The following TRAK1 variants were observed in gnomAD, a reference collection of about 807,000 sequenced individuals.
TRAK1 encodes the protein trafficking kinesin-binding protein 1.
TRAK1 carries 33 observed loss-of-function variants against 92.1 expected under a neutral mutation model. That is an observed-to-expected ratio of 0.36 (90% CI 0.27 to 0.48). The LOEUF (loss-of-function observed/expected upper bound fraction) is 0.48. Ranked by LOEUF, TRAK1 falls within the 20% of genes least tolerant of loss-of-function variation. TRAK1 has a pLI of 0.99. For synonymous variants in TRAK1, 521 were observed against 517.3 expected (o/e 1.01, Z -0.10); for missense variants, 1,123 against 1,257.9 (o/e 0.89, Z 1.62).
At chr3:42,172,732 G>A (rs751422029) in intron 2 of TRAK1, among the ~76,000 whole-genome samples, 2 of 152,298 alleles carry the variant, frequency 1.3e-5, no homozygotes, top group South Asian at 2.1e-4. Flanking sequence ...AGCTTGGTGC[G>A]TGGTAATGGT....
chr3:42,046,420 G>GGTT lies in TRAK1; in HGVS notation c.-519+32305_-519+32307dup, dbSNP rs1195911910. ...CCCTTAGGAGGCCATAACCTGGGAA[G>GGTT]GTTGGGAATAGGGGCCACGTCTCTA... On this transcript the variant is annotated intron_variant, in intron 1 of 16. Coordinates refer to the TRAK1 transcript ENST00000487159. 4.6e-5 allele frequency among the ~76,000 whole-genome samples: 7 copies of GGTT among 152,036 alleles called. No homozygotes were observed. In the East Asian group the frequency reaches 1.2e-3, roughly 25 times the overall value.
intron 1 of TRAK1, among the ~76,000 whole-genome samples, chr3:42,057,956 C>T (rs2148921691): frequency 6.6e-6 from 1 of 152,342 alleles, no homozygotes; most frequent in Non-Finnish European, 1.5e-5. Flanking sequence ...CTGAACATGT[C>T]ATTCAGTGAG....
At chr3:42,163,437 C>T (rs1254745377) in intron 2 of TRAK1, among the ~76,000 whole-genome samples, 1 of 152,038 alleles carries the variant, frequency 6.6e-6, no homozygotes, top group Non-Finnish European at 1.5e-5. Flanking sequence ...GGCATGGTGG[C>T]GGGCGCCTGT....
chr3:42,100,911 AC>A, intron 1 of TRAK1, among the ~76,000 whole-genome samples: 1 of 151,160 alleles, frequency 6.6e-6, no homozygotes, highest in East Asian at 2.0e-4. Flanking sequence ...CAGGTGATCC[AC>A]CCGCCTCAGC....
chr3:42,173,296 TATAGAG>T (rs1453274262), intron 2 of TRAK1, among the ~76,000 whole-genome samples: 1 of 152,184 alleles, frequency 6.6e-6, no homozygotes, highest in Non-Finnish European at 1.5e-5. Flanking sequence ...AATACATTCT[TATAGAG>T]AGAGAAACTT....
rs754538591 is a variant in TRAK1 at position 42,222,998 on chromosome 3, C to T, written c.2123C>T (p.Pro708Leu). The T allele has an allele frequency of 1.7e-5, 27 of 1,614,154 alleles. No homozygotes were observed. The highest frequency in any genetic ancestry group is 2.0e-5 in the Non-Finnish European group (24 of 1,180,040). ...AGCACCAGCCACTTGAAATCCACGC[C>T]GGTGGCCACACCATGCACTCCACGG... ...CGSTSHLKST[P>L]VATPCTPRRL... Residue 708 changes from proline to leucine, a missense_variant, in exon 16 of 16, where the codon CCG becomes CTG. Physicochemically the swap from Pro to Leu is moderately conservative, Grantham distance 98 (BLOSUM62 -3). Coordinates refer to ENST00000327628, the MANE Select transcript of TRAK1 (RefSeq NM_001042646.3).
chr3:42,224,459 C>G lies in TRAK1; in HGVS notation c.*722C>G, dbSNP rs1710633817. On this transcript the variant is annotated 3_prime_UTR_variant, in exon 16 of 16. Transcript: ENST00000327628. ...TTTACACTCATGCTGCGTTGTTCAG[C>G]AGCCCCTCTGTGTTCTGTGTGATTT... The G allele has an allele frequency of 5.1e-6, 1 of 197,990 alleles. No homozygotes were observed. Among genetic ancestry groups the G allele is most frequent in the Non-Finnish European group, 1.0e-5 (1 of 99,104 alleles). 12.3% of individuals were successfully genotyped at this position (197,990 alleles called of 1,614,324 possible).
chr3:42,194,847 T>G lies in TRAK1; in HGVS notation c.1019T>G (p.Leu340Arg), dbSNP rs1254573109. 6.2e-7 allele frequency: 1 copy of G among 1,613,948 alleles called. No individual in the cohort carries two copies. ...AAGTACGCAGAGTGCATGGAGATGC[T>G]GCATGAGGCGCAGGAGGAGCTGAAG... ...EDKYAECMEM[L>R]HEAQEELKNL... Residue 340 changes from leucine (L) to arginine (R), a missense_variant, in exon 10 of 16, where the codon CTG becomes CGG. By Grantham distance (102) the Leu-to-Arg change is moderately radical (BLOSUM62 -2). Coordinates refer to ENST00000327628, the MANE Select transcript of TRAK1 (RefSeq NM_001042646.3).
chr3:42,160,567 T>TC, intron 2 of TRAK1: 1 of 1,292,008 alleles, frequency 7.7e-7, no homozygotes, highest in Non-Finnish European at 1.0e-6. Flanking sequence ...TGTTTTGTTT[T>TC]TGTTTTTTTT....
At chr3:42,074,206 C>G (rs1704053386) in intron 1 of TRAK1, among the ~76,000 whole-genome samples, 1 of 152,194 alleles carries the variant, frequency 6.6e-6, no homozygotes. Context: ...TGTGTTTCCT[C>G]TCTTGTAAAA....
intron 1 of TRAK1, among the ~76,000 whole-genome samples, chr3:42,106,458 T>G (rs1219901471): frequency 6.6e-6 from 1 of 152,172 alleles, no homozygotes; most frequent in Non-Finnish European, 1.5e-5. Flanking sequence ...AAGGGATCAA[T>G]TCAACAAGAA....
At chr3:42,207,988 T>C (rs1159951747) in intron 13 of TRAK1, among the ~76,000 whole-genome samples, 1 of 152,152 alleles carries the variant, frequency 6.6e-6, no homozygotes, top group African/African-American at 2.4e-5. Context: ...CCAGATGCCG[T>C]TCGTCCACAG....
At chr3:42,195,868 T>C (rs1156438929) in intron 10 of TRAK1, among the ~76,000 whole-genome samples, 1 of 152,182 alleles carries the variant, frequency 6.6e-6, no homozygotes, top group African/African-American at 2.4e-5. Flanking sequence ...GATCTAGCGC[T>C]AACCACACTT....
At chr3:42,016,177 T>C (rs1701516988) in intron 1 of TRAK1, among the ~76,000 whole-genome samples, 1 of 152,200 alleles carries the variant, frequency 6.6e-6, no homozygotes. Context: ...AAGTGGACTT[T>C]GTTCCTGTCA....
chr3:42,162,087 C>T (rs1021429251), intron 2 of TRAK1, among the ~76,000 whole-genome samples: 7 of 152,074 alleles, frequency 4.6e-5, no homozygotes, highest in African/African-American at 1.4e-4. Flanking sequence ...ATGATGGGCA[C>T]GCATGTTAAA....
upstream of TRAK1, among the ~76,000 whole-genome samples, chr3:42,090,591 C>A (rs890168959): frequency 2.0e-5 from 3 of 152,176 alleles, no homozygotes; most frequent in African/African-American, 7.2e-5. Context: ...GAGGCTGAGG[C>A]AGAATTGCTT....
rs569209653 is a variant in TRAK1, at chr3:42,031,033, A to AT, written c.-519+16936dup. Among the ~76,000 whole-genome samples, 1,052 of 95,364 alleles carry AT rather than the reference A, an allele frequency of 0.011. 42 individuals are homozygous for AT. In the East Asian group the frequency reaches 0.15, roughly 13 times the overall value. The allele number at this position is 95,364 out of a possible 152,430, so 62.6% of individuals were successfully genotyped here. A position where few individuals can be genotyped will look rare whatever the true frequency, so the allele number is the denominator to read the frequency against. On this transcript the variant is annotated intron_variant, in intron 1 of 16. Coordinates refer to the TRAK1 transcript ENST00000487159. ...GTGACACTTAACCTCAGCTATTTGAATTTTTTTTTTTTTTTTTTTTGAGAT... is the reference window on the plus strand; with the variant it reads ...GTGACACTTAACCTCAGCTATTTGAATTTTTTTTTTTTTTTTTTTTTGAGAT...
Position 42,158,908 on chromosome 3 carries a change from G to A in TRAK1, c.287-17906G>A, listed in dbSNP as rs552800198. Among the ~76,000 whole-genome samples the A allele has an allele frequency of 2.8e-3, 420 of 150,092 alleles. 2 individuals are homozygous for A. Among genetic ancestry groups the A allele is most frequent in the Non-Finnish European group, 4.6e-3 (310 of 67,624 alleles). On this transcript the variant is annotated intron_variant, in intron 2 of 15. Coordinates refer to ENST00000327628, the MANE Select transcript of TRAK1 (RefSeq NM_001042646.3). Reference sequence around the variant, plus strand: ...CGGGAGGCGGAGCTTGCAGTGAGCCGAGATCGTGCCACTGCACTCCAGCCT... The same window carrying A: ...CGGGAGGCGGAGCTTGCAGTGAGCCAAGATCGTGCCACTGCACTCCAGCCT...
At position 42,196,574 on chromosome 3, in the gene TRAK1, G is replaced by A. The variant is rs547094876; in HGVS notation, c.1113+1633G>A. Among the ~76,000 whole-genome samples the A allele has an allele frequency of 3.0e-3, 410 of 134,650 alleles. 2 individuals carry two copies. Among genetic ancestry groups the A allele is most frequent in the Non-Finnish European group, 4.7e-3 (303 of 64,978 alleles). The allele number at this position is 134,650 out of a possible 152,430, so 88.3% of individuals were successfully genotyped here. ...TTTTTTTGAGACGGAGTCTTGCTCT[G>A]TCATCCAGGCTGGAGTGCAGTGGTG... On this transcript the variant is annotated intron_variant, in intron 10 of 15. Coordinates refer to ENST00000327628, the MANE Select transcript of TRAK1 (RefSeq NM_001042646.3).
Sources: gnomAD v4.1 joint callset for allele counts (sites outside exome capture counted in the v4.1 genomes callset) on GRCh38, gnomAD v4.1.1 for gene constraint, MANE v1.5 for transcripts, NCBI Gene and HGNC (gene_info 2026-07-23, HGNC 2026-07-21) for gene names.